Variants in ABL1 observed in about 807,000 individuals in gnomAD.
ABL1 encodes the protein ABL proto-oncogene 1, non-receptor tyrosine kinase.
A neutral mutation model predicts 94.7 loss-of-function variants in ABL1; 11 were observed. That is an observed-to-expected ratio of 0.12 (90% CI 0.07 to 0.19). The LOEUF (loss-of-function observed/expected upper bound fraction) is 0.19. Among genes scored for constraint, ABL1 ranks in the 10% least tolerant of loss-of-function variants. The pLI is 1.00. For synonymous variants in ABL1, 656 were observed against 622.4 expected, an observed-to-expected ratio of 1.05 and a Z score of -0.80; for missense variants, 1,082 against 1,489.4, an observed-to-expected ratio of 0.73 and a Z score of 4.50.
chr9:130,723,654 C>T (rs183855377), intron 1 of ABL1, among the ~76,000 whole-genome samples: 3 of 152,234 alleles, frequency 2.0e-5, no homozygotes, highest in Admixed American at 2.0e-4. Flanking sequence ...CTCTGGTCCT[C>T]ATTAAATTTT....
At chr9:130,760,521 C>T (rs978176845) in intron 1 of ABL1, among the ~76,000 whole-genome samples, 2 of 152,110 alleles carry the variant, frequency 1.3e-5, no homozygotes, top group Non-Finnish European at 2.9e-5. Context: ...CATCACTGAC[C>T]CTCATAAAAT....
rs766386542 is a variant in ABL1, at chr9:130,854,080, A to C, written c.96A>C (p.Pro32=). ...SCYLEEALQR[P]VASDFEPQGL... ...CTCTTCCAGAAGCCCTTCAGCGGCC[A>C]GTAGCATCTGACTTTGAGCCTCAGG... Residue 32 remains proline, a synonymous_variant, in exon 2 of 11, where the codon CCA becomes CCC. Transcript: ENST00000318560. The C allele has an allele frequency of 1.2e-6, 2 of 1,613,580 alleles. No individual in the cohort carries two copies. Among genetic ancestry groups the C allele is most frequent in the South Asian group, 2.2e-5 (2 of 90,948 alleles).
In ABL1 at chr9:130,880,380, T is replaced by C; in HGVS notation, c.1514-120T>C. On this transcript the variant is annotated intron_variant, in intron 9 of 10. Transcript: ENST00000318560. The surrounding 1 kb of genome is among the most constrained non-coding windows in gnomAD (Gnocchi z 4.4). ...CTGTTTCTCCGGTATCCACGTGCCT[T>C]TTCTTTAGTTGTATGCAGATGAGCA... The C allele has an allele frequency of 7.7e-7, 1 of 1,301,718 alleles. No homozygotes were observed. Among genetic ancestry groups the C allele is most frequent in the Non-Finnish European group, 1.1e-6 (1 of 939,256 alleles). 80.6% of individuals were successfully genotyped at this position (1,301,718 alleles called of 1,614,324 possible).
intron 4 of ABL1, among the ~76,000 whole-genome samples, chr9:130,867,850 G>A (rs370698166): frequency 6.6e-6 from 1 of 152,094 alleles, no homozygotes; most frequent in East Asian, 1.9e-4. Context: ...TCTACGAGGT[G>A]GTCTCTCCTG....
intron 1 of ABL1, among the ~76,000 whole-genome samples, chr9:130,783,446 T>C (rs1295944295): frequency 6.6e-6 from 1 of 152,200 alleles, no homozygotes; most frequent in East Asian, 1.9e-4. Context: ...CAAAAGGATA[T>C]ATCCTGAATT....
At chr9:130,782,645 A>C (rs1483457733) in intron 1 of ABL1, among the ~76,000 whole-genome samples, 1 of 152,232 alleles carries the variant, frequency 6.6e-6, no homozygotes. Flanking sequence ...TAATGAGAAC[A>C]TGCCAAGATA....
At chr9:130,849,417 A>G (rs567059220) in intron 1 of ABL1, among the ~76,000 whole-genome samples, 1 of 152,282 alleles carries the variant, frequency 6.6e-6, no homozygotes, top group South Asian at 2.1e-4. Flanking sequence ...TCTTACCCAC[A>G]CTGGCTGTCA....
intron 1 of ABL1, among the ~76,000 whole-genome samples, chr9:130,727,648 C>T (rs996810767): frequency 4.0e-5 from 6 of 150,258 alleles, no homozygotes; most frequent in African/African-American, 9.9e-5. Context: ...TATAGCTACT[C>T]GGGAGGCTGA....
chr9:130,720,508 A>G (rs1250411645), intron 1 of ABL1, among the ~76,000 whole-genome samples: 1 of 152,130 alleles, frequency 6.6e-6, no homozygotes, highest in Non-Finnish European at 1.5e-5. Flanking sequence ...GCAAAGAGCA[A>G]AAGGAGAGAT....
chr9:130,781,565 T>C (rs1263360361), intron 1 of ABL1, among the ~76,000 whole-genome samples: 1 of 152,200 alleles, frequency 6.6e-6, no homozygotes, highest in Non-Finnish European at 1.5e-5. Context: ...AGCTTGACTT[T>C]TAAATTGATA....
In ABL1 at chr9:130,863,271, G is replaced by A. The variant is rs560125382; in HGVS notation, c.822+236G>A. Among the ~76,000 whole-genome samples, 15 of 152,238 alleles carry A rather than the reference G, an allele frequency of 9.9e-5. No individual in the cohort carries two copies. In the South Asian group the frequency reaches 3.1e-3, roughly 32 times the overall value. ...GAGCTGACAAGCATGGAGGGGTTTT[G>A]GTGTAAAAAGATTAGTCATTTGGAG... On this transcript the variant is annotated intron_variant, in intron 4 of 10. Coordinates refer to ENST00000318560, the MANE Select transcript of ABL1 (RefSeq NM_005157.6). This position sits in a 1 kb window ranked among gnomAD's most constrained non-coding sequence, Gnocchi z 4.3.
rs1832308140 is a variant in ABL1 at position 130,776,176 on chromosome 9, A to G, written c.136+61721A>G. On this transcript the variant is annotated intron_variant, in intron 1 of 10. Transcript: ENST00000372348. Reference sequence around the variant, plus strand: ...TAGAGAATTAGTCATGTGGTATCACATGGCAGCTCACTCAGGAATCATAAA... The same window carrying G: ...TAGAGAATTAGTCATGTGGTATCACGTGGCAGCTCACTCAGGAATCATAAA... Among the ~76,000 whole-genome samples, 3 of 152,362 alleles carry G rather than the reference A, an allele frequency of 2.0e-5. No individual in the cohort carries two copies. The South Asian group carries it at 6.2e-4, about 32-fold the overall frequency.
Position 130,863,020 on chromosome 9 carries a change from C to A in ABL1, c.807C>A (p.Ala269=), listed in dbSNP as rs148722778. ...GGAAGAAATACAGCCTGACGGTGGC[C>A]GTGAAGACCTTGAAGGTAGGCTGGG... ...GVWKKYSLTV[A]VKTLKEDTME... is the part of the protein sequence containing the mutation. The change falls in exon 4 of 11, where the codon GCC becomes GCA. Residue 269 remains alanine (A), a synonymous_variant. Transcript: ENST00000318560. The surrounding 1 kb of genome is among the most constrained non-coding windows in gnomAD (Gnocchi z 4.3). 1.9e-6 allele frequency: 3 copies of A among 1,605,340 alleles called. No individual in the cohort carries two copies. Among genetic ancestry groups the A allele is most frequent in the Admixed American group, 3.3e-5 (2 of 59,732 alleles).
At chr9:130,769,396 A>C (rs1008613122) in intron 1 of ABL1, among the ~76,000 whole-genome samples, 2 of 123,754 alleles carry the variant, frequency 1.6e-5, no homozygotes, top group Admixed American at 2.3e-4. Flanking sequence ...CAATGGTGCT[A>C]TCTTGGCTTA....
intron 1 of ABL1, among the ~76,000 whole-genome samples, chr9:130,848,587 TA>T (rs1830810991): frequency 6.6e-6 from 1 of 151,840 alleles, no homozygotes; most frequent in African/African-American, 2.4e-5. Context: ...TGTTTTCTAG[TA>T]ATAACAACAA....
chr9:130,832,576 A>G (rs1404525890), upstream of ABL1, among the ~76,000 whole-genome samples: 2 of 152,206 alleles, frequency 1.3e-5, no homozygotes, highest in Non-Finnish European at 2.9e-5. Flanking sequence ...TTACTTGTGA[A>G]ATGGAATTAA....
In ABL1 at chr9:130,886,422, C is replaced by G; in HGVS notation, c.*739C>G. On this transcript the variant is annotated 3_prime_UTR_variant, in exon 11 of 11. Transcript: ENST00000318560. The stretch of plus-strand genomic sequence containing the variant: ...TTCCATCTGTCCACATCCCCAGAGC[C>G]CAGCTCTTGCTCTCTTGTGACGTGC... 1 of 233,658 alleles carries G rather than the reference C, an allele frequency of 4.3e-6. No individual in the cohort carries two copies. Among genetic ancestry groups the G allele is most frequent in the Non-Finnish European group, 8.5e-6 (1 of 118,070 alleles). 14.5% of individuals were successfully genotyped at this position (233,658 alleles called of 1,614,324 possible).
chr9:130,741,930 C>T (rs1244731571), intron 1 of ABL1, among the ~76,000 whole-genome samples: 1 of 152,190 alleles, frequency 6.6e-6, no homozygotes, highest in Non-Finnish European at 1.5e-5. Flanking sequence ...AGTGCCACAG[C>T]TTCCTGCCCC....
intron 1 of ABL1, among the ~76,000 whole-genome samples, chr9:130,728,230 A>ATTTTTTTTTTTTTT (rs55915035): frequency 0.027 from 2,779 of 102,132 alleles, 279 homozygotes; most frequent in African/African-American, 0.072. Flanking sequence ...TGTCCAGCTG[A>ATTTTTTTTTTTTTT]TTTTTTTTTT....
Sources: allele counts gnomAD v4.1 joint callset (sites outside exome capture counted in the v4.1 genomes callset), GRCh38; gene constraint gnomAD v4.1.1; non-coding constraint Gnocchi (gnomAD v3.1); transcripts MANE v1.5; gene names NCBI Gene and HGNC (gene_info 2026-07-23, HGNC 2026-07-21).